Variants in EVL observed in about 807,000 individuals in gnomAD.
EVL encodes ena/VASP-like protein.
In EVL, 21 loss-of-function variants were observed where a neutral mutation model predicts 59.6. The ratio of observed to expected loss-of-function variants is 0.35; its 90% confidence interval spans 0.25 to 0.51. The LOEUF (loss-of-function observed/expected upper bound fraction) is 0.51, where lower values mean the gene tolerates loss of function less well. Ranked by LOEUF, EVL falls within the 20% of genes least tolerant of loss-of-function variation. The pLI is 0.97. For synonymous variants in EVL, 198 were observed against 203.5 expected (o/e 0.97, Z 0.23); for missense variants, 462 against 546.6 (o/e 0.85, Z 1.54).
At chr14:100,024,109 G>T (rs1455010801) in intron 1 of EVL, among the ~76,000 whole-genome samples, 1 of 152,196 alleles carries the variant, frequency 6.6e-6, no homozygotes. Context: ...CTATTTGTTA[G>T]TCACGTGAAA....
rs145641910 is a variant in EVL at position 99,997,810 on chromosome 14, A to T, written c.5+25753A>T. Among the ~76,000 whole-genome samples the T allele has an allele frequency of 5.0e-3, 762 of 152,250 alleles. 2 individuals are homozygous for T. The highest frequency in any genetic ancestry group is 0.017 in the Middle Eastern group (5 of 294). ...TCATTAAGCAGAGCTGAAATTACAG[A>T]TTTATTTTTCCTCCCTTACCTCTCC... On this transcript the variant is annotated intron_variant, in intron 1 of 13. Transcript: ENST00000402714.
At chr14:99,983,332 A>G (rs990696191) in intron 1 of EVL, among the ~76,000 whole-genome samples, 6 of 152,236 alleles carry the variant, frequency 3.9e-5, no homozygotes, top group Non-Finnish European at 5.9e-5. Context: ...AGGTTAAGAA[A>G]GAGTTACTTC....
upstream of EVL, among the ~76,000 whole-genome samples, chr14:100,060,562 G>A (rs185621594): frequency 8.5e-5 from 13 of 152,172 alleles, no homozygotes; most frequent in African/African-American, 2.9e-4. Flanking sequence ...CAGATCAATA[G>A]ATATCTAATC....
intron 1 of EVL, among the ~76,000 whole-genome samples, chr14:100,053,476 T>C (rs61984483): frequency 0.15 from 22,170 of 151,930 alleles, 2,379 homozygotes; most frequent in African/African-American, 0.3. Context: ...ATACTCTTAC[T>C]GCCTTCTGTT....
At chr14:100,100,542 G>A (rs936031925) in intron 3 of EVL, among the ~76,000 whole-genome samples, 7 of 152,008 alleles carry the variant, frequency 4.6e-5, no homozygotes, top group Non-Finnish European at 7.4e-5. Context: ...GGCCCTCCCC[G>A]CAGTCCCTGC....
intron 3 of EVL, among the ~76,000 whole-genome samples, chr14:100,099,417 T>C (rs147578498): frequency 6.6e-6 from 1 of 152,214 alleles, no homozygotes; most frequent in Admixed American, 6.5e-5. Context: ...GAGAGTTTTG[T>C]GGTTTTTTTA....
intron 1 of EVL, among the ~76,000 whole-genome samples, chr14:99,983,300 C>T (rs1161721412): frequency 6.6e-6 from 1 of 152,036 alleles, no homozygotes; most frequent in African/African-American, 2.4e-5. Context: ...GACGTAGAGG[C>T]GATAATTGTA....
At chr14:100,118,489 T>A (rs911155063) in intron 3 of EVL, among the ~76,000 whole-genome samples, 1 of 152,176 alleles carries the variant, frequency 6.6e-6, no homozygotes, top group African/African-American at 2.4e-5. Flanking sequence ...CACATGGCAA[T>A]TCTTCATGTC....
At chr14:100,059,527 G>T (rs1203646848) in intron 1 of EVL, among the ~76,000 whole-genome samples, 1 of 152,232 alleles carries the variant, frequency 6.6e-6, no homozygotes, top group Non-Finnish European at 1.5e-5. Context: ...TACAGAGTGA[G>T]ATTCTTCATG....
At chr14:100,142,670 G>A (rs1391759033) in intron 13 of EVL, among the ~76,000 whole-genome samples, 15 of 152,000 alleles carry the variant, frequency 9.9e-5, no homozygotes, top group Admixed American at 9.2e-4. Context: ...TCCCCCAGCC[G>A]GCCCACCCTT....
intron 1 of EVL, among the ~76,000 whole-genome samples, chr14:100,077,207 T>G (rs1409187689): frequency 6.6e-6 from 1 of 151,984 alleles, no homozygotes; most frequent in Non-Finnish European, 1.5e-5. Flanking sequence ...GAGGCTGTGG[T>G]CTAAAATAAA....
At chr14:100,016,263 G>T (rs2140196569) in intron 1 of EVL, among the ~76,000 whole-genome samples, 1 of 152,246 alleles carries the variant, frequency 6.6e-6, no homozygotes, top group Admixed American at 6.5e-5. Context: ...GGGCGTTGTG[G>T]CTCACGCCTG....
chr14:100,070,748 T>C (rs868095497), intron 1 of EVL, among the ~76,000 whole-genome samples: 10 of 152,232 alleles, frequency 6.6e-5, no homozygotes, highest in African/African-American at 2.4e-4. Flanking sequence ...CTGAACATAC[T>C]GTCCCAATCC....
Position 100,052,531 on chromosome 14 carries a change from T to C in EVL, c.6-32156T>C, listed in dbSNP as rs569957161. 3.3e-5 allele frequency among the ~76,000 whole-genome samples: 5 copies of C among 152,152 alleles called. 1 individual carries two copies. In the South Asian group the frequency reaches 1.0e-3, roughly 32 times the overall value. ...CTTTGGGAGGCCAAGGCAGGAGGAT[T>C]GCTTGAGCCCAGGAGGTCAAGACCA... On this transcript the variant is annotated intron_variant, in intron 1 of 13. Coordinates refer to the EVL transcript ENST00000402714.
At chr14:100,030,807 C>T (rs566939287) in intron 1 of EVL, among the ~76,000 whole-genome samples, 1 of 152,328 alleles carries the variant, frequency 6.6e-6, no homozygotes, top group African/African-American at 2.4e-5. Context: ...GAGCCCACCA[C>T]CAAGTGACCC....
At chr14:100,100,921 A>G (rs1235236288) in intron 3 of EVL, among the ~76,000 whole-genome samples, 2 of 151,878 alleles carry the variant, frequency 1.3e-5, no homozygotes, top group African/African-American at 4.8e-5. Flanking sequence ...GGTTGTCCCC[A>G]TTTTCCACGA....
intron 1 of EVL, among the ~76,000 whole-genome samples, chr14:100,075,139 G>A (rs559872646): frequency 3.9e-5 from 6 of 152,358 alleles, no homozygotes; most frequent in Admixed American, 3.9e-4. Context: ...TGTCACCTAT[G>A]TTACCAGAGC....
intron 1 of EVL, among the ~76,000 whole-genome samples, chr14:99,978,381 G>GA (rs1360338180): frequency 2.7e-5 from 4 of 150,532 alleles, no homozygotes; most frequent in Non-Finnish European, 5.9e-5. Context: ...CAGCCTGGGC[G>GA]ACAGAGCGAG....
Position 100,057,281 on chromosome 14 carries a change from T to C in EVL, c.6-27406T>C, listed in dbSNP as rs745464738. Among the ~76,000 whole-genome samples the C allele has an allele frequency of 1.1e-3, 164 of 152,168 alleles. 5 individuals carry two copies. Among genetic ancestry groups the C allele is most frequent in the Non-Finnish European group, 3.5e-4 (24 of 68,028 alleles). On this transcript the variant is annotated intron_variant, in intron 1 of 13. Transcript: ENST00000402714. The stretch of plus-strand genomic sequence containing the variant: ...GAAAGATGTATATGGAGAAAGATTA[T>C]ATGTAGCATAGTGTCCTCATGAACA...
Sources: allele counts gnomAD v4.1 joint callset (sites outside exome capture counted in the v4.1 genomes callset), GRCh38; gene constraint gnomAD v4.1.1; transcripts MANE v1.5; gene names NCBI Gene and HGNC (gene_info 2026-07-23, HGNC 2026-07-21).